Variants in LSAMP observed in about 807,000 individuals in gnomAD.
LSAMP encodes the protein limbic system associated membrane protein.
LSAMP carries 7 observed loss-of-function variants against 38.6 expected under a neutral mutation model. The ratio of observed to expected loss-of-function variants is 0.18; its 90% CI spans 0.10 to 0.34. The LOEUF (loss-of-function observed/expected upper bound fraction) is 0.34, where lower values mean the gene tolerates loss of function less well. Ranked by LOEUF, LSAMP falls within the 10% of genes least tolerant of loss-of-function variation. The pLI, the probability that LSAMP is intolerant of heterozygous loss-of-function variation, is 1.00. For missense variants in LSAMP, 313 were observed against 420.0 expected (o/e 0.75, Z 2.23); for synonymous variants, 154 against 166.8 (o/e 0.92, Z 0.59).
At chr3:116,144,650 T>C (rs1709450769) in intron 1 of LSAMP, among the ~76,000 whole-genome samples, 1 of 151,938 alleles carries the variant, frequency 6.6e-6, no homozygotes, top group Admixed American at 6.6e-5. Context: ...CAGTGTTTTT[T>C]TATTAACCTG....
chr3:115,974,851 A>G (rs755395555), intron 3 of LSAMP, among the ~76,000 whole-genome samples: 1 of 152,200 alleles, frequency 6.6e-6, no homozygotes, highest in Non-Finnish European at 1.5e-5. Flanking sequence ...GGAGGTGGTT[A>G]TAATGAGGTG....
intron 1 of LSAMP, among the ~76,000 whole-genome samples, chr3:116,156,763 CA>C (rs1709759359): frequency 6.6e-6 from 1 of 151,930 alleles, no homozygotes; most frequent in Admixed American, 6.6e-5. Context: ...AAATGGTTTA[CA>C]AAAAAGCAAA....
At chr3:116,197,163 A>ACACACACACACACACACACTCTCT (rs1268040540) in intron 1 of LSAMP, among the ~76,000 whole-genome samples, 4 of 139,088 alleles carry the variant, frequency 2.9e-5, no homozygotes, top group African/African-American at 1.0e-4. Context: ...ACACACACAC[A>ACACACACACACACACACACTCTCT]CTCTCTCTCT....
chr3:116,368,293 C>CA (rs963520054), intron 1 of LSAMP: 1 of 152,102 alleles, frequency 6.6e-6, no homozygotes, highest in Non-Finnish European at 1.5e-5. Context: ...CTCATAACTC[C>CA]AAAAGACGCA....
At chr3:115,896,830 T>G (rs1031159421) in intron 3 of LSAMP, among the ~76,000 whole-genome samples, 3 of 152,074 alleles carry the variant, frequency 2.0e-5, no homozygotes, top group Non-Finnish European at 4.4e-5. Flanking sequence ...GAAGAGGGCT[T>G]CTTTTTTTTA....
At chr3:116,125,018 C>T (rs772382065) in intron 1 of LSAMP, among the ~76,000 whole-genome samples, 2 of 152,024 alleles carry the variant, frequency 1.3e-5, no homozygotes, top group Non-Finnish European at 2.9e-5. Flanking sequence ...AGAAGAAATT[C>T]GTCTCTGCAG....
chr3:116,053,285 G>GTAAA (rs1941429793), intron 2 of LSAMP, among the ~76,000 whole-genome samples: 1 of 152,158 alleles, frequency 6.6e-6, no homozygotes, highest in African/African-American at 2.4e-5. Flanking sequence ...TTAAATCATG[G>GTAAA]TTATTGAGCT....
intron 1 of LSAMP, among the ~76,000 whole-genome samples, chr3:116,384,992 T>A (rs777438786): frequency 5.3e-5 from 8 of 151,914 alleles, no homozygotes; most frequent in Non-Finnish European, 1.0e-4. Context: ...AGTCACTGAG[T>A]CTAGCTGGAT....
intron 3 of LSAMP, among the ~76,000 whole-genome samples, chr3:115,999,598 C>G (rs1939928974): frequency 6.6e-6 from 1 of 152,184 alleles, no homozygotes; most frequent in Non-Finnish European, 1.5e-5. Context: ...AGGTACCCAT[C>G]TCCATCTCTA....
chr3:116,386,246 A>G (rs542748155), intron 1 of LSAMP, among the ~76,000 whole-genome samples: 2 of 152,238 alleles, frequency 1.3e-5, no homozygotes, highest in South Asian at 2.1e-4. Context: ...TCTCTCTCCA[A>G]TAGATCCTAT....
chr3:115,946,219 T>C (rs896753383), intron 3 of LSAMP, among the ~76,000 whole-genome samples: 4 of 152,172 alleles, frequency 2.6e-5, no homozygotes, highest in Admixed American at 2.0e-4. Flanking sequence ...GTTGAAATCA[T>C]ACAAACTGAG....
intron 1 of LSAMP, among the ~76,000 whole-genome samples, chr3:116,417,430 A>C (rs1285079843): frequency 3.3e-5 from 5 of 152,228 alleles, no homozygotes; most frequent in Admixed American, 3.3e-4. Flanking sequence ...TAATCAATCC[A>C]AGACAACATC....
chr3:116,225,805 T>C (rs1258889955), intron 1 of LSAMP, among the ~76,000 whole-genome samples: 1 of 152,044 alleles, frequency 6.6e-6, no homozygotes, highest in African/African-American at 2.4e-5. Flanking sequence ...GCAAAAAGTG[T>C]TCCCCTAAGC....
At chr3:116,159,092 T>C (rs1231746058) in intron 1 of LSAMP, among the ~76,000 whole-genome samples, 5 of 152,104 alleles carry the variant, frequency 3.3e-5, no homozygotes, top group Non-Finnish European at 1.5e-5. Context: ...TTACACCATA[T>C]ACAAAAATCA....
rs548987155 is a variant in LSAMP at position 116,266,121 on chromosome 3, T to C, written c.155+178756A>G. On this transcript the variant is annotated intron_variant, in intron 1 of 6. Transcript: ENST00000490035. ...TACTTAAAACTTCATACTTAAGCAT[T>C]AACACCCCTTTCTGTTGCTAGCCCA... Among the ~76,000 whole-genome samples, 4 of 152,268 alleles carry C rather than the reference T, an allele frequency of 2.6e-5. No individual in the cohort carries two copies. In the South Asian group the frequency reaches 8.3e-4, roughly 32 times the overall value.
intron 3 of LSAMP, among the ~76,000 whole-genome samples, chr3:116,004,193 G>A (rs193268634): frequency 6.6e-6 from 1 of 152,212 alleles, no homozygotes; most frequent in Admixed American, 6.5e-5. Context: ...AATATTCAGT[G>A]TGGTCCCAAA....
At chr3:116,163,283 T>A (rs1158963854) in intron 1 of LSAMP, among the ~76,000 whole-genome samples, 2 of 143,570 alleles carry the variant, frequency 1.4e-5, no homozygotes, top group Non-Finnish European at 3.0e-5. Flanking sequence ...TGTCTATGTG[T>A]TCTCATTGTT....
chr3:116,135,659 G>A (rs1291644855), intron 1 of LSAMP, among the ~76,000 whole-genome samples: 1 of 152,106 alleles, frequency 6.6e-6, no homozygotes, highest in East Asian at 1.9e-4. Context: ...AGAAATCACT[G>A]CTGGCTGACC....
In LSAMP at chr3:116,221,123, C is replaced by T. The variant is rs2046279159; in HGVS notation, c.156-134567G>A. On this transcript the variant is annotated intron_variant, in intron 1 of 6. Coordinates refer to ENST00000490035, the MANE Select transcript of LSAMP (RefSeq NM_002338.5). ...AGCCAAGTGTGCCACTGCACTCCAG[C>T]CTGTGTGACAGAGCGAGACTCTGTC... Among the ~76,000 whole-genome samples the T allele has an allele frequency of 3.5e-5, 4 of 114,084 alleles. No homozygotes were observed. In the South Asian group the frequency reaches 1.2e-3, roughly 35 times the overall value. 74.8% of individuals were successfully genotyped at this position (114,084 alleles called of 152,430 possible). A position where few individuals can be genotyped will look rare whatever the true frequency, so the allele number is the denominator to read the frequency against.
Sources: gnomAD v4.1 joint callset for allele counts (sites outside exome capture counted in the v4.1 genomes callset) on GRCh38, gnomAD v4.1.1 for gene constraint, MANE v1.5 for transcripts, NCBI Gene and HGNC (gene_info 2026-07-23, HGNC 2026-07-21) for gene names.